Variants in ARK2N observed in about 807,000 individuals in gnomAD.
The protein encoded by ARK2N is protein ARK2N.
the ARK2N span, chr18:46,264,392 G>A: frequency 1.3e-5 from 2 of 152,582 alleles, no homozygotes; most frequent in Admixed American, 1.3e-4. Context: ...CTGCACAGGG[G>A]GAGTGAAGTA....
At chr18:46,259,899 G>A in the ARK2N span, among the ~76,000 whole-genome samples, 2 of 132,574 alleles carry the variant, frequency 1.5e-5, 1 homozygote, top group East Asian at 4.4e-4. Flanking sequence ...GTGTGTGTGT[G>A]CGACAGAGAT....
chr18:46,209,741 G>A, the ARK2N span, among the ~76,000 whole-genome samples: 5 of 151,940 alleles, frequency 3.3e-5, no homozygotes, highest in East Asian at 1.9e-4. Context: ...GACTACAGGC[G>A]TCCGCCACCA....
At chr18:46,179,102 C>T in the ARK2N span, among the ~76,000 whole-genome samples, 1 of 151,504 alleles carries the variant, frequency 6.6e-6, no homozygotes. Flanking sequence ...GCCACCACAC[C>T]CAGCTAATTT....
At chr18:46,236,099 C>A in the ARK2N span, among the ~76,000 whole-genome samples, 1,750 of 152,304 alleles carry the variant, frequency 0.011, 32 homozygotes, top group African/African-American at 0.04. Context: ...CCATTTCTAG[C>A]ATAAAATGGA....
chr18:46,251,920 G>A, the ARK2N span, among the ~76,000 whole-genome samples: 2 of 152,226 alleles, frequency 1.3e-5, no homozygotes, highest in Non-Finnish European at 2.9e-5. Flanking sequence ...GGCCAGGTGC[G>A]GTGGCTTAAG....
At chr18:46,258,656 G>C in the ARK2N span, among the ~76,000 whole-genome samples, 1 of 152,120 alleles carries the variant, frequency 6.6e-6, no homozygotes, top group Non-Finnish European at 1.5e-5. Flanking sequence ...TTGCATGCAG[G>C]TTAAACACTT....
At chr18:46,210,112 GC>G in the ARK2N span, among the ~76,000 whole-genome samples, 3 of 152,158 alleles carry the variant, frequency 2.0e-5, no homozygotes, top group Non-Finnish European at 4.4e-5. Flanking sequence ...ATATTGTTCT[GC>G]CTGCTATGTA....
At chr18:46,175,216 G>A in the ARK2N span, among the ~76,000 whole-genome samples, 11 of 148,150 alleles carry the variant, frequency 7.4e-5, no homozygotes, top group Non-Finnish European at 1.2e-4. Context: ...TCCTTGAGCA[G>A]TTTCTGTTTG....
the ARK2N span, among the ~76,000 whole-genome samples, chr18:46,209,504 G>A: frequency 6.6e-6 from 1 of 152,098 alleles, no homozygotes; most frequent in Non-Finnish European, 1.5e-5. Flanking sequence ...TCTTTGAGCT[G>A]TACACATCTT....
chr18:46,213,041 G>C, the ARK2N span, among the ~76,000 whole-genome samples: 2 of 115,632 alleles, frequency 1.7e-5, no homozygotes, highest in South Asian at 5.7e-4. Context: ...TCACTCTGTC[G>C]CCCAGGCTGG....
At chr18:46,216,015 T>C in the ARK2N span, 8 of 1,614,136 alleles carry the variant, frequency 5.0e-6, no homozygotes, top group Admixed American at 3.3e-5. The surrounding 1 kb of genome is among the most constrained non-coding windows in gnomAD (Gnocchi z 4.3). Context: ...AGAAAGATGG[T>C]GTAGCGGATT....
the ARK2N span, among the ~76,000 whole-genome samples, chr18:46,199,341 A>C: frequency 0.01 from 1,541 of 151,188 alleles, 35 homozygotes; most frequent in African/African-American, 0.036. Context: ...TTGAGATGGA[A>C]TCTCTCGCTG....
the ARK2N span, among the ~76,000 whole-genome samples, chr18:46,194,245 C>A: frequency 1.3e-5 from 2 of 152,036 alleles, no homozygotes; most frequent in African/African-American, 4.8e-5. Flanking sequence ...CACCACCATG[C>A]CTGGCCCTCT....
the ARK2N span, among the ~76,000 whole-genome samples, chr18:46,242,866 G>A: frequency 1.3e-5 from 2 of 152,138 alleles, no homozygotes; most frequent in South Asian, 4.1e-4. Flanking sequence ...GACATTTAGG[G>A]TGCTATTTTA....
the ARK2N span, chr18:46,218,274 A>G: frequency 1.3e-5 from 2 of 152,328 alleles, no homozygotes; most frequent in East Asian, 3.9e-4. Context: ...AAAACTTAAA[A>G]CACCAGTGTC....
chr18:46,178,562 G>A, the ARK2N span, among the ~76,000 whole-genome samples: 3 of 152,136 alleles, frequency 2.0e-5, no homozygotes, highest in African/African-American at 2.4e-5. Flanking sequence ...GCACCACCTC[G>A]GCCTCCCAAA....
chr18:46,264,591 G>A, the ARK2N span: 1 of 152,594 alleles, frequency 6.6e-6, no homozygotes, highest in Admixed American at 6.5e-5. Context: ...AATTTACCAA[G>A]TGCCTGCTCT....
the ARK2N span, among the ~76,000 whole-genome samples, chr18:46,244,090 T>C: frequency 1.3e-4 from 20 of 152,324 alleles, no homozygotes; most frequent in East Asian, 3.9e-3. Flanking sequence ...GATGATTCTG[T>C]CAATAAATCT....
At chr18:46,231,318 A>G in the ARK2N span, among the ~76,000 whole-genome samples, 1 of 152,190 alleles carries the variant, frequency 6.6e-6, no homozygotes, top group African/African-American at 2.4e-5. Flanking sequence ...GTGTGTATGC[A>G]TGTGTGTACC....
Sources: allele counts gnomAD v4.1 joint callset (sites outside exome capture counted in the v4.1 genomes callset), GRCh38; gene constraint gnomAD v4.1.1; non-coding constraint Gnocchi (gnomAD v3.1); transcripts MANE v1.5; gene names NCBI Gene and HGNC (gene_info 2026-07-23, HGNC 2026-07-21).